Variants in ADAM12 observed in about 807,000 individuals in gnomAD.
The protein encoded by ADAM12 is disintegrin and metalloproteinase domain-containing protein 12.
In ADAM12, 70 loss-of-function variants were observed where a neutral mutation model predicts 106.4. The ratio of observed to expected loss-of-function variants is 0.66; its 90% CI spans 0.54 to 0.80. The LOEUF is 0.80. Among genes scored for constraint, ADAM12 ranks in the 30% least tolerant of loss-of-function variants. The probability of loss-of-function intolerance (pLI) is 0.00; values close to 1 mark genes in which losing one functional copy is unlikely to be tolerated. For missense variants in ADAM12, 1,010 were observed against 1,171.9 expected, an observed-to-expected ratio of 0.86 and a Z score of 2.02; for synonymous variants, 420 against 433.5, an observed-to-expected ratio of 0.97 and a Z score of 0.39.
intron 2 of ADAM12, among the ~76,000 whole-genome samples, chr10:126,299,411 A>C (rs1960520164): frequency 6.6e-6 from 1 of 152,196 alleles, no homozygotes; most frequent in Non-Finnish European, 1.5e-5. Context: ...TTCTGGGGCC[A>C]CAGAGATGAA....
At chr10:126,384,539 C>T (rs757291670) in intron 1 of ADAM12, among the ~76,000 whole-genome samples, 3 of 151,880 alleles carry the variant, frequency 2.0e-5, no homozygotes, top group Admixed American at 6.6e-5. Flanking sequence ...AAAAGTAACC[C>T]GTGAGTCACA....
At chr10:126,160,741 C>A (rs188053544) in intron 3 of ADAM12, among the ~76,000 whole-genome samples, 28 of 152,290 alleles carry the variant, frequency 1.8e-4, no homozygotes, top group Admixed American at 1.7e-3. Context: ...AATCCCAACG[C>A]CTCCCGATGG....
chr10:126,227,280 G>T (rs571370079), intron 3 of ADAM12, among the ~76,000 whole-genome samples: 1 of 151,626 alleles, frequency 6.6e-6, no homozygotes, highest in Non-Finnish European at 1.5e-5. Flanking sequence ...CATCATCATC[G>T]TCACCATCAT....
chr10:126,152,771 T>A (rs1956751237), intron 4 of ADAM12, among the ~76,000 whole-genome samples: 1 of 152,200 alleles, frequency 6.6e-6, no homozygotes, highest in African/African-American at 2.4e-5. Flanking sequence ...ATTAATATGT[T>A]GACTCATTTT....
At chr10:126,253,778 G>C (rs1958833881) in intron 3 of ADAM12, among the ~76,000 whole-genome samples, 1 of 152,180 alleles carries the variant, frequency 6.6e-6, no homozygotes, top group African/African-American at 2.4e-5. Context: ...CAGAGCCTGG[G>C]ATAAGCAGGG....
intron 3 of ADAM12, among the ~76,000 whole-genome samples, chr10:126,185,659 G>A (rs933718332): frequency 1.3e-5 from 2 of 152,052 alleles, no homozygotes; most frequent in Non-Finnish European, 2.9e-5. Context: ...AGGATGGCAA[G>A]AGAGTAAGAC....
chr10:126,019,752 T>C lies in ADAM12; in HGVS notation c.2603A>G (p.His868Arg). Residue 868 changes from histidine to arginine, a missense_variant, in exon 22 of 23, where the codon CAT becomes CGT. Physicochemically the swap from His to Arg is conservative, Grantham distance 29. This residue lies in a region of ADAM12 where 615 missense variants were observed against 708.5 expected (regional missense o/e 0.87). Coordinates refer to ENST00000448723, the MANE Select transcript of ADAM12 (RefSeq NM_001288973.2). ...TTGTCCTGGGGTCCTGGCCAAGGCA[T>C]GAGTGAGCCGAGTTGTTCTGGCCAG... ...DPLARTTRLTHALARTPGQWE... is the reference protein window; with the variant it reads ...DPLARTTRLTRALARTPGQWE... The C allele has an allele frequency of 6.2e-7, 1 of 1,614,100 alleles. No individual in the cohort carries two copies.
intron 14 of ADAM12, among the ~76,000 whole-genome samples, chr10:126,055,197 C>A (rs144908664): frequency 2.0e-5 from 3 of 152,184 alleles, no homozygotes; most frequent in African/African-American, 7.2e-5. Flanking sequence ...TGGTTCCCCA[C>A]GGCCCCCAAA....
Position 126,017,330 on chromosome 10 carries a change from T to C in ADAM12, c.2670A>G (p.Pro890=). 6.3e-7 allele frequency: 1 copy of C among 1,586,222 alleles called. No individual in the cohort carries two copies. ...GLRLAPLRPA[P]QYPHQVPRST... is the part of the protein sequence containing the mutation. ...ATCTGGGCACTTGGTGTGGATATTG[T>C]GGAGCAGGTCTGAATGAAGAGAGGA... The change falls in exon 23 of 23, where the codon CCA becomes CCG. Residue 890 remains proline (P), a synonymous_variant. Coordinates refer to ENST00000448723, the MANE Select transcript of ADAM12 (RefSeq NM_001288973.2).
Position 126,388,307 on chromosome 10 carries a change from C to A in ADAM12, c.-162G>T. The stretch of plus-strand genomic sequence containing the variant: ...GCAGCGCCCGCGCCGCCGCTGAGCT[C>A]TTCTAGCCTTTCATTTTTAAAAAAG... On this transcript the variant is annotated 5_prime_UTR_variant, in exon 1 of 23. Transcript: ENST00000448723. The surrounding 1 kb of genome is among the most constrained non-coding windows in gnomAD (Gnocchi z 4.4). 1 of 1,057,104 alleles carries A rather than the reference C, an allele frequency of 9.5e-7. No homozygotes were observed. Among genetic ancestry groups the A allele is most frequent in the East Asian group, 3.9e-5 (1 of 25,940 alleles). 65.5% of individuals were successfully genotyped at this position (1,057,104 alleles called of 1,614,324 possible). A position where few individuals can be genotyped will look rare whatever the true frequency, so the allele number is the denominator to read the frequency against.
intron 11 of ADAM12, among the ~76,000 whole-genome samples, chr10:126,086,680 A>AAAAAAAAATATAT (rs1554966976): frequency 4.1e-5 from 1 of 24,268 alleles, no homozygotes; most frequent in Non-Finnish European, 5.9e-5. Flanking sequence ...AAAAAAAAAA[A>AAAAAAAAATATAT]ATATATATAT....
At chr10:126,065,147 T>A (rs940725456) in intron 13 of ADAM12, 146 bp from the exon 14 acceptor site, 39 of 821,268 alleles carry the variant, frequency 4.7e-5, no homozygotes, top group Admixed American at 3.0e-5. Flanking sequence ...AATGTAGAGA[T>A]ACCTCATTAA....
chr10:126,123,780 C>G (rs1008296689), intron 5 of ADAM12, among the ~76,000 whole-genome samples: 2 of 152,038 alleles, frequency 1.3e-5, no homozygotes, highest in African/African-American at 4.8e-5. Flanking sequence ...GGCCCAGAAC[C>G]AGCAGGAGCA....
chr10:126,029,865 C>T (rs569570200), intron 21 of ADAM12, among the ~76,000 whole-genome samples: 17 of 152,262 alleles, frequency 1.1e-4, no homozygotes, highest in African/African-American at 2.2e-4. Flanking sequence ...GAAAAACCTC[C>T]GAACACACTG....
intron 8 of ADAM12, among the ~76,000 whole-genome samples, chr10:126,107,128 C>T (rs113147050): frequency 0.015 from 2,229 of 152,284 alleles, 56 homozygotes; most frequent in African/African-American, 0.05. Context: ...TATAGGAACA[C>T]ACATGCATGT....
chr10:126,252,510 G>A (rs907820656), intron 3 of ADAM12, among the ~76,000 whole-genome samples: 2 of 152,348 alleles, frequency 1.3e-5, no homozygotes, highest in Middle Eastern at 3.4e-3. Flanking sequence ...TGGGAGGCCA[G>A]AGTCTAAAGG....
intron 2 of ADAM12, among the ~76,000 whole-genome samples, chr10:126,318,502 ACTCT>A (rs199962036): frequency 1.4e-5 from 2 of 145,478 alleles, no homozygotes; most frequent in African/African-American, 2.5e-5. Flanking sequence ...TCAGAGCCAC[ACTCT>A]CTCACACACA....
In ADAM12 at chr10:126,221,855, G is replaced by C. The variant is rs535112099; in HGVS notation, c.260+57060C>G. 2.0e-5 allele frequency among the ~76,000 whole-genome samples: 3 copies of C among 152,338 alleles called. 1 individual carries two copies. Among genetic ancestry groups the C allele is most frequent in the African/African-American group, 7.2e-5 (3 of 41,572 alleles). ...CTACTATGTTAAAAGAGTAACCAAA[G>C]CTGTCACTCATTAAACGTGCCCAAT... On this transcript the variant is annotated intron_variant, in intron 3 of 22. Transcript: ENST00000448723.
At chr10:126,178,441 A>C (rs1957259354) in intron 3 of ADAM12, among the ~76,000 whole-genome samples, 1 of 137,608 alleles carries the variant, frequency 7.3e-6, no homozygotes, top group Admixed American at 7.7e-5. Context: ...TTGGATAAAC[A>C]TCTTTCAGAT....
Sources: allele counts gnomAD v4.1 joint callset (sites outside exome capture counted in the v4.1 genomes callset), GRCh38; gene constraint gnomAD v4.1.1; regional missense constraint gnomAD v4.1.1; non-coding constraint Gnocchi (gnomAD v3.1); transcripts MANE v1.5; gene names NCBI Gene and HGNC (gene_info 2026-07-23, HGNC 2026-07-21).